The following SLC38A10 variants were observed in gnomAD, a reference collection of about 807,000 sequenced individuals.
SLC38A10 encodes the protein solute carrier family 38 member 10, also known as Sodium-coupled neutral amino acid transporter 10.
In SLC38A10, 53 loss-of-function variants were observed where a neutral mutation model predicts 81.0. The ratio of observed to expected loss-of-function variants is 0.65; its 90% CI spans 0.53 to 0.82. The LOEUF is 0.82. Among genes scored for constraint, SLC38A10 ranks in the 40% least tolerant of loss-of-function variants. The pLI, the probability that SLC38A10 is intolerant of heterozygous loss-of-function variation, is 0.00. For synonymous variants in SLC38A10, 665 were observed against 655.3 expected (o/e 1.01, Z -0.23); for missense variants, 1,471 against 1,545.0 (o/e 0.95, Z 0.80).
At chr17:81,294,225 T>C (rs1221607160) in intron 1 of SLC38A10, among the ~76,000 whole-genome samples, 1 of 152,194 alleles carries the variant, frequency 6.6e-6, no homozygotes, top group African/African-American at 2.4e-5. Context: ...GAGATGGGGT[T>C]TCAGCATGTT....
chr17:81,245,941 T>C lies in SLC38A10; in HGVS notation c.2975A>G (p.Asp992Gly). ...CTGCTCGTGGGACACAGGCACATGGTCCCCCCCGCGGGCCTTTCTCATCTC... is the reference window on the plus strand; with the variant it reads ...CTGCTCGTGGGACACAGGCACATGGCCCCCCCCGCGGGCCTTTCTCATCTC... ...HLEMRKARGG[D>G]HVPVSHEQPR... The change falls in exon 16 of 16, where the codon GAC becomes GGC. Residue 992 changes from aspartate (D) to glycine (G), a missense_variant. By Grantham distance (94) the Asp-to-Gly change is moderately conservative. Coordinates refer to ENST00000374759, the MANE Select transcript of SLC38A10 (RefSeq NM_001037984.3). The C allele has an allele frequency of 6.2e-7, 1 of 1,607,440 alleles. No individual in the cohort carries two copies. Among genetic ancestry groups the C allele is most frequent in the Admixed American group, 1.7e-5 (1 of 59,650 alleles).
In SLC38A10 at chr17:81,249,452, G is replaced by GGA. The variant is rs1343028602; in HGVS notation, c.2065+2039_2065+2040dup. 2.8e-3 allele frequency among the ~76,000 whole-genome samples: 11 copies of GGA among 3,984 alleles called. 3 individuals are homozygous for GGA. The highest frequency in any genetic ancestry group is 3.4e-3 in the African/African-American group (7 of 2,058). The allele number at this position is 3,984 out of a possible 152,430, so 2.6% of individuals were successfully genotyped here. A position where few individuals can be genotyped will look rare whatever the true frequency, so the allele number is the denominator to read the frequency against. ...GAAGGAGGGAGGGAGAAGGAGGGAG[G>GGA]GAAGAGGAGGGAGGAGGGAAGAGGA... On this transcript the variant is annotated intron_variant, in intron 14 of 15. Coordinates refer to ENST00000374759, the MANE Select transcript of SLC38A10 (RefSeq NM_001037984.3).
chr17:81,246,789 G>A (rs2062856081), intron 15 of SLC38A10, 96 bp downstream of exon 15: 2 of 1,512,148 alleles, frequency 1.3e-6, no homozygotes, highest in Middle Eastern at 1.9e-4. Flanking sequence ...CTCACGCTCA[G>A]GTCTAGAGGC....
At chr17:81,271,156 CAG>C in intron 9 of SLC38A10, 132 bp from the exon 10 acceptor site, 2 of 709,904 alleles carry the variant, frequency 2.8e-6, no homozygotes, top group South Asian at 3.5e-5. Flanking sequence ...GAGCCGGGAG[CAG>C]AGACGCCCTC....
intron 1 of SLC38A10, among the ~76,000 whole-genome samples, chr17:81,290,937 CAG>C (rs2063305141): frequency 6.6e-6 from 1 of 151,804 alleles, no homozygotes; most frequent in South Asian, 2.1e-4. Flanking sequence ...ACCAGGGAGT[CAG>C]AGGTTGCAGT....
Position 81,281,820 on chromosome 17 carries a change from G to A in SLC38A10, c.501+369C>T, listed in dbSNP as rs1481282495. 1.3e-5 allele frequency among the ~76,000 whole-genome samples: 2 copies of A among 152,160 alleles called. No individual in the cohort carries two copies. The highest frequency in any genetic ancestry group is 2.9e-5 in the Non-Finnish European group (2 of 68,034). ...AAACAACAATAGCTTGCCACCTTGT[G>A]TCAAAACACTGGCACCGTGAGCCTT... On this transcript the variant is annotated intron_variant, in intron 5 of 15. Transcript: ENST00000374759. This position sits in a 1 kb window ranked among gnomAD's most constrained non-coding sequence, Gnocchi z 5.3.
chr17:81,246,964 C>T lies in SLC38A10; in HGVS notation c.2163G>A (p.Lys721=), dbSNP rs2062858068. The T allele has an allele frequency of 1.2e-6, 2 of 1,607,332 alleles. No individual in the cohort carries two copies. Among genetic ancestry groups the T allele is most frequent in the African/African-American group, 2.7e-5 (2 of 74,924 alleles). ...GCTGCTCCTCGATCACCGCCAGCAGCTTCTCCTGCTGGTCCAGCAAGCGCT... is the reference window on the plus strand; with the variant it reads ...GCTGCTCCTCGATCACCGCCAGCAGTTTCTCCTGCTGGTCCAGCAAGCGCT... ...QQKRLLDQQE[K]LLAVIEEQHK... The change falls in exon 15 of 16, where the codon AAG becomes AAA. Residue 721 remains lysine, a synonymous_variant. Coordinates refer to ENST00000374759, the MANE Select transcript of SLC38A10 (RefSeq NM_001037984.3).
Position 81,270,601 on chromosome 17 carries a change from AG to A in SLC38A10, c.1131+316del, listed in dbSNP as rs1260143551. ...GTGGGCGGCTGGGGAGGGGACTCAG[AG>A]GTGGCAGCAGGTCCATGGGCAATCA... On this transcript the variant is annotated intron_variant, in intron 10 of 15. Transcript: ENST00000374759. The surrounding 1 kb of genome is among the most constrained non-coding windows in gnomAD (Gnocchi z 4.0). 6.6e-6 allele frequency among the ~76,000 whole-genome samples: 1 copy of A among 152,106 alleles called. No individual in the cohort carries two copies. Among genetic ancestry groups the A allele is most frequent in the Admixed American group, 6.6e-5 (1 of 15,264 alleles).
intron 3 of SLC38A10, 69 bp downstream of exon 3, chr17:81,284,781 C>T: frequency 7.7e-7 from 1 of 1,301,780 alleles, no homozygotes; most frequent in Non-Finnish European, 1.0e-6. Flanking sequence ...ACTGCCGCTC[C>T]CACCGGGAGG....
rs2063168153 is a variant in SLC38A10 at position 81,277,032 on chromosome 17, A to G, written c.728T>C (p.Met243Thr). The change falls in exon 7 of 16, where the codon ATG becomes ACG. Residue 243 changes from methionine (M) to threonine (T), a missense_variant and splice_region_variant. Physicochemically the swap from Met to Thr is moderately conservative, Grantham distance 81. Around this residue, in one of 2 missense-constraint regions of SLC38A10, gnomAD observed 720 missense variants for 827.7 expected, o/e 0.87. Transcript: ENST00000374759. The surrounding 1 kb of genome is among the most constrained non-coding windows in gnomAD (Gnocchi z 4.5). Reference protein sequence around the residue: ...SLNVVTTFYVMVGFFGYVSFT... With the variant: ...SLNVVTTFYVTVGFFGYVSFT... ...GAGAGGGCGTGGCAAGGCTCTTACC[A>G]TGACGTAGAAGGTGGTGACCACATT... 1.2e-6 allele frequency: 2 copies of G among 1,613,734 alleles called. No individual in the cohort carries two copies. The highest frequency in any genetic ancestry group is 2.2e-5 in the South Asian group (2 of 91,062).
At chr17:81,290,289 G>GT (rs2063300283) in intron 1 of SLC38A10, among the ~76,000 whole-genome samples, 1 of 152,174 alleles carries the variant, frequency 6.6e-6, no homozygotes. Flanking sequence ...ATGAAAACGT[G>GT]TTCATGAAAA....
chr17:81,284,842 G>A lies in SLC38A10; in HGVS notation c.263+8C>T. 6.5e-7 allele frequency: 1 copy of A among 1,540,434 alleles called. No homozygotes were observed. The highest frequency in any genetic ancestry group is 1.4e-5 in the African/African-American group (1 of 72,558). ...GGGGGGCAAGCGCAGCGGCAGGGCG[G>A]GGCTTACCTGGTCTCCACCAGCATC... On this transcript the variant is annotated splice_region_variant and intron_variant, in intron 3 of 15. Transcript: ENST00000374759.
Position 81,270,703 on chromosome 17 carries a change from T to C in SLC38A10, c.1131+215A>G, listed in dbSNP as rs62072864. Among the ~76,000 whole-genome samples, 2,342 of 152,298 alleles carry C rather than the reference T, an allele frequency of 0.015. 30 individuals carry two copies. Among genetic ancestry groups the C allele is most frequent in the Middle Eastern group, 0.031 (9 of 294 alleles). On this transcript the variant is annotated intron_variant, in intron 10 of 15. Coordinates refer to ENST00000374759, the MANE Select transcript of SLC38A10 (RefSeq NM_001037984.3). This position sits in a 1 kb window ranked among gnomAD's most constrained non-coding sequence, Gnocchi z 4.0. The stretch of plus-strand genomic sequence containing the variant: ...CTCTCAGGAAAACCCGATGCACAGC[T>C]TGAGCAGCTTAGTGTGGCCCTGCTG...
rs1283058663 is a variant in SLC38A10, at chr17:81,283,767, G to A, written c.264-265C>T. On this transcript the variant is annotated intron_variant, in intron 3 of 15. Coordinates refer to ENST00000374759, the MANE Select transcript of SLC38A10 (RefSeq NM_001037984.3). This position sits in a 1 kb window ranked among gnomAD's most constrained non-coding sequence, Gnocchi z 4.7. ...TAGCTGGGAGTAGCCGAGTAGCCAC[G>A]CCCGGCTAATTGTTTGTATTTTTAG... Among the ~76,000 whole-genome samples, 3 of 151,594 alleles carry A rather than the reference G, an allele frequency of 2.0e-5. No individual in the cohort carries two copies. The highest frequency in any genetic ancestry group is 2.9e-5 in the Non-Finnish European group (2 of 67,894).
At chr17:81,263,834 G>A (rs919685299) in intron 10 of SLC38A10, 2 of 152,376 alleles carry the variant, frequency 1.3e-5, no homozygotes, top group African/African-American at 4.8e-5. Flanking sequence ...TGGCTGCCAC[G>A]TGCCAGGAGT....
At chr17:81,282,461 G>T in intron 4 of SLC38A10, 129 bp from the exon 5 acceptor site, 1 of 1,310,404 alleles carries the variant, frequency 7.6e-7, no homozygotes, top group Non-Finnish European at 1.0e-6. Context: ...GACGCCGGCG[G>T]GTCTGAGGCT....
chr17:81,294,902 G>A lies in SLC38A10; in HGVS notation c.20C>T (p.Ser7Phe), dbSNP rs779631405. 6.3e-7 allele frequency: 1 copy of A among 1,592,784 alleles called. No homozygotes were observed. Among genetic ancestry groups the A allele is most frequent in the Non-Finnish European group, 8.5e-7 (1 of 1,171,134 alleles). The stretch of plus-strand genomic sequence containing the variant: ...GATGTTCGTGATCAGCCCCCAGTTG[G>A]AGGCGGCGGCCGCGGTCATAGTGAG... MTAAAA[S>F]NWGLITNIVN... The change falls in exon 1 of 16, where the codon TCC (serine) becomes TTC (phenylalanine). Residue 7 changes from serine (S) to phenylalanine (F), a missense_variant. Physicochemically the swap from Ser to Phe is radical, Grantham distance 155. Transcript: ENST00000374759.
At chr17:81,271,790 G>A (rs1425000930) in intron 9 of SLC38A10, among the ~76,000 whole-genome samples, 4 of 144,880 alleles carry the variant, frequency 2.8e-5, no homozygotes, top group Admixed American at 7.1e-5. Flanking sequence ...GTAGTGGAGC[G>A]ATCTCAGCTC....
At chr17:81,267,315 A>T (rs1008828983) in intron 10 of SLC38A10, among the ~76,000 whole-genome samples, 2 of 152,208 alleles carry the variant, frequency 1.3e-5, no homozygotes, top group African/African-American at 2.4e-5. Flanking sequence ...GATTTAAATT[A>T]AAAAAATGAA....
Sources: allele counts gnomAD v4.1 joint callset (sites outside exome capture counted in the v4.1 genomes callset), GRCh38; gene constraint gnomAD v4.1.1; regional missense constraint gnomAD v4.1.1; non-coding constraint Gnocchi (gnomAD v3.1); transcripts MANE v1.5; gene names NCBI Gene and HGNC (gene_info 2026-07-23, HGNC 2026-07-21).